Variants in SLC37A3 observed in about 807,000 individuals in gnomAD.
SLC37A3 encodes the protein solute carrier family 37 member 3.
SLC37A3 carries 51 observed loss-of-function variants against 67.1 expected under a neutral mutation model. That is an observed-to-expected ratio of 0.76 (90% CI 0.61 to 0.96). SLC37A3 has a LOEUF of 0.96. Among genes scored for constraint, SLC37A3 ranks in the 40% least tolerant of loss-of-function variants. SLC37A3 has a pLI of 0.00. For missense variants in SLC37A3, 508 were observed against 603.0 expected (o/e 0.84, Z 1.65); for synonymous variants, 214 against 231.4 (o/e 0.92, Z 0.68).
intron 1 of SLC37A3, among the ~76,000 whole-genome samples, chr7:140,397,874 C>T (rs1010002210): frequency 1.1e-4 from 17 of 152,204 alleles, no homozygotes; most frequent in African/African-American, 3.1e-4. Context: ...AAACAGAACA[C>T]ACCCTGCGAA....
intron 7 of SLC37A3, 126 bp from the exon 8 acceptor site, chr7:140,352,272 G>T (rs1470138750): frequency 3.8e-6 from 3 of 786,146 alleles, no homozygotes; most frequent in South Asian, 1.7e-5. Context: ...GGGAAGCAAG[G>T]GAGCACCCAG....
intron 5 of SLC37A3, among the ~76,000 whole-genome samples, chr7:140,361,144 T>C (rs1022643366): frequency 4.0e-5 from 6 of 151,000 alleles, no homozygotes; most frequent in Non-Finnish European, 8.8e-5. Flanking sequence ...AAGGGGACCA[T>C]CCAAGGCAGG....
intron 5 of SLC37A3, among the ~76,000 whole-genome samples, chr7:140,362,118 C>T (rs1337632986): frequency 7.3e-6 from 1 of 136,770 alleles, no homozygotes; most frequent in Non-Finnish European, 1.6e-5. Context: ...CGCCTCTTCC[C>T]GGCCGCCATC....
intron 13 of SLC37A3, 103 bp from the exon 14 acceptor site, chr7:140,337,452 G>T: frequency 1.1e-6 from 1 of 950,030 alleles, no homozygotes; most frequent in South Asian, 2.0e-5. Flanking sequence ...AATAAGAAGG[G>T]AACAGGATTT....
intron 5 of SLC37A3, 56 bp downstream of exon 5, chr7:140,364,352 T>TA: frequency 6.8e-7 from 1 of 1,469,554 alleles, no homozygotes; most frequent in South Asian, 1.2e-5. Flanking sequence ...GTAGGGAGAT[T>TA]ACTTAGATTC....
chr7:140,361,471 A>G lies in SLC37A3; in HGVS notation c.376-2686T>C, dbSNP rs572314450. Among the ~76,000 whole-genome samples the G allele has an allele frequency of 5.4e-3, 727 of 135,368 alleles. 7 individuals carry two copies. Among genetic ancestry groups the G allele is most frequent in the African/African-American group, 0.019 (692 of 36,126 alleles). The allele number at this position is 135,368 out of a possible 152,430, so 88.8% of individuals were successfully genotyped here. On this transcript the variant is annotated intron_variant, in intron 5 of 14. Coordinates refer to ENST00000326232, the MANE Select transcript of SLC37A3 (RefSeq NM_207113.3). Reference sequence around the variant, plus strand: ...CACTCCAGCCTGGGCAACAAGAGCAAAACTCCGGACACACAGCCTCTCCCT... The same window carrying G: ...CACTCCAGCCTGGGCAACAAGAGCAGAACTCCGGACACACAGCCTCTCCCT...
At chr7:140,359,829 A>G (rs915360453) in intron 5 of SLC37A3, among the ~76,000 whole-genome samples, 1 of 152,134 alleles carries the variant, frequency 6.6e-6, no homozygotes, top group Non-Finnish European at 1.5e-5. Context: ...TCACAAAACT[A>G]CTCATTTGTT....
chr7:140,334,997 C>T lies in SLC37A3; in HGVS notation c.*415G>A, dbSNP rs746308704. ...CAAAGCAAAATGCAATGATCTCTTCCATTTGTGGAACATACCACCAACACA... is the reference window on the plus strand; with the variant it reads ...CAAAGCAAAATGCAATGATCTCTTCTATTTGTGGAACATACCACCAACACA... On this transcript the variant is annotated 3_prime_UTR_variant, in exon 15 of 15. Coordinates refer to ENST00000326232, the MANE Select transcript of SLC37A3 (RefSeq NM_207113.3). The T allele has an allele frequency of 2.4e-5, 11 of 462,962 alleles. No individual in the cohort carries two copies. Among genetic ancestry groups the T allele is most frequent in the Non-Finnish European group, 4.3e-5 (11 of 252,988 alleles). 28.7% of individuals were successfully genotyped at this position (462,962 alleles called of 1,614,324 possible).
chr7:140,377,048 A>G (rs1798058975), intron 3 of SLC37A3, among the ~76,000 whole-genome samples: 1 of 148,342 alleles, frequency 6.7e-6, no homozygotes, highest in Non-Finnish European at 1.5e-5. Context: ...GGTTCAAGCC[A>G]TTCTCCTGCC....
intron 4 of SLC37A3, among the ~76,000 whole-genome samples, chr7:140,365,276 C>T (rs532718351): frequency 1.6e-4 from 24 of 152,284 alleles, no homozygotes; most frequent in Admixed American, 1.5e-3. Flanking sequence ...TCAGTTAGGA[C>T]CAGGTGTTTC....
intron 1 of SLC37A3, among the ~76,000 whole-genome samples, chr7:140,395,639 C>T (rs1221988983): frequency 1.3e-5 from 2 of 151,850 alleles, no homozygotes; most frequent in East Asian, 3.9e-4. Flanking sequence ...ACCCAGGAGG[C>T]GGAGGTTGCA....
intron 1 of SLC37A3, among the ~76,000 whole-genome samples, chr7:140,384,728 G>A (rs1407440668): frequency 2.6e-5 from 4 of 151,524 alleles, no homozygotes; most frequent in Non-Finnish European, 4.4e-5. Context: ...GCCCCCCGCC[G>A]CACCAAAAAA....
intron 13 of SLC37A3, among the ~76,000 whole-genome samples, chr7:140,338,531 G>A (rs1796233249): frequency 6.6e-6 from 1 of 152,060 alleles, no homozygotes. Context: ...GAGTGCAGTG[G>A]GGCAATCTCT....
intron 2 of SLC37A3, among the ~76,000 whole-genome samples, chr7:140,381,474 G>A (rs954217690): frequency 1.1e-4 from 17 of 151,908 alleles, no homozygotes; most frequent in African/African-American, 2.9e-4. Context: ...GCAGTGAACC[G>A]TGATCACACC....
At position 140,377,006 on chromosome 7, in the gene SLC37A3, C is replaced by T. The variant is rs568948321; in HGVS notation, c.198+3276G>A. Among the ~76,000 whole-genome samples the T allele has an allele frequency of 4.1e-5, 6 of 147,686 alleles. No homozygotes were observed. In the East Asian group the frequency reaches 8.0e-4, roughly 20 times the overall value. On this transcript the variant is annotated intron_variant, in intron 3 of 14. Coordinates refer to ENST00000326232, the MANE Select transcript of SLC37A3 (RefSeq NM_207113.3). ...TCACCCAAGCTGGAGTACAATGGCA[C>T]GATCTCGGCTCACTGCAAACTCCAC...
At chr7:140,395,578 G>A (rs578176315) in intron 1 of SLC37A3, among the ~76,000 whole-genome samples, 5 of 151,456 alleles carry the variant, frequency 3.3e-5, no homozygotes, top group African/African-American at 1.2e-4. Context: ...TGTGGTGGTG[G>A]GTGCCTGTAA....
chr7:140,349,108 T>C (rs1796693486), intron 9 of SLC37A3, among the ~76,000 whole-genome samples: 1 of 152,226 alleles, frequency 6.6e-6, no homozygotes, highest in Admixed American at 6.5e-5. Flanking sequence ...CCCATATTTC[T>C]TTATTCACAC....
chr7:140,339,739 G>A (rs949793869), intron 13 of SLC37A3, among the ~76,000 whole-genome samples: 8 of 149,598 alleles, frequency 5.3e-5, no homozygotes, highest in African/African-American at 2.0e-4. Context: ...CACCTTTCCT[G>A]TTTGTTTTTT....
chr7:140,396,407 C>T (rs73163242), intron 1 of SLC37A3, among the ~76,000 whole-genome samples: 5,821 of 152,196 alleles, frequency 0.038, 167 homozygotes, highest in South Asian at 0.14. Flanking sequence ...TTAATTCATC[C>T]GTCTTCCTGT....
Sources: gnomAD v4.1 joint callset for allele counts (sites outside exome capture counted in the v4.1 genomes callset) on GRCh38, gnomAD v4.1.1 for gene constraint, MANE v1.5 for transcripts, NCBI Gene and HGNC (gene_info 2026-07-23, HGNC 2026-07-21) for gene names.